Variants in C15orf40 observed in about 807,000 individuals in gnomAD.
The protein encoded by C15orf40 is UPF0235 protein C15orf40.
C15orf40 carries 9 observed loss-of-function variants against 13.9 expected under a neutral mutation model. That is an observed-to-expected ratio of 0.65 (90% confidence interval 0.39 to 1.13). C15orf40 has a LOEUF of 1.13. C15orf40 is among the 50% of genes most tolerant of loss of function. The probability of loss-of-function intolerance (pLI) is 0.01; values close to 1 mark genes in which losing one functional copy is unlikely to be tolerated. For missense variants in C15orf40, 225 were observed against 188.5 expected, an observed-to-expected ratio of 1.19 and a Z score of -1.13; for synonymous variants, 95 against 69.2, an observed-to-expected ratio of 1.37 and a Z score of -1.85.
chr15:82,990,702 T>C (rs1303477432), downstream of C15orf40: 3 of 1,461,812 alleles, frequency 2.1e-6, no homozygotes, highest in East Asian at 4.9e-5. Context: ...CTTGATCTGG[T>C]GGTGGTTGGG....
At chr15:83,011,181 T>G (rs2031987192) in intron 1 of C15orf40, 1 of 291,458 alleles carries the variant, frequency 3.4e-6, no homozygotes, top group Admixed American at 5.2e-5. Context: ...GTCATGCCGC[T>G]GCGGGAACAT....
intron 3 of C15orf40, among the ~76,000 whole-genome samples, chr15:83,006,870 G>A (rs1450601504): frequency 6.6e-6 from 1 of 152,220 alleles, no homozygotes; most frequent in Non-Finnish European, 1.5e-5. Context: ...GCAGAAGAAT[G>A]AGGAACATCT....
At chr15:82,990,723 A>C, downstream of C15orf40, 1 of 1,305,082 alleles carries the variant, frequency 7.7e-7, no homozygotes, top group African/African-American at 1.5e-5. Flanking sequence ...ATAAGGGTAC[A>C]CATCATTTTA....
At chr15:83,010,398 A>G (rs2031932608) in intron 1 of C15orf40, 35 bp from the exon 2 acceptor site, 3 of 1,612,470 alleles carry the variant, frequency 1.9e-6, no homozygotes, top group South Asian at 2.2e-5. Flanking sequence ...ACAGGTTACA[A>G]AATATTTTCC....
rs577646353 is a variant in C15orf40, at chr15:83,001,179, A to G, written c.*4418T>C. 12 of 985,396 alleles carry G rather than the reference A, an allele frequency of 1.2e-5. No individual in the cohort carries two copies. In the South Asian group the frequency reaches 3.8e-4, roughly 31 times the overall value. The allele number at this position is 985,396 out of a possible 1,614,324, so 61.0% of individuals were successfully genotyped here. A position where few individuals can be genotyped will look rare whatever the true frequency, so the allele number is the denominator to read the frequency against. ...TGCTGTCCCTCCCCTAACCGAGAGG[A>G]AAGTGTGGAATGGCTCACAGAAATC... is the stretch of plus-strand genomic sequence containing the variant. On this transcript the variant is annotated 3_prime_UTR_variant, in exon 4 of 4. Coordinates refer to ENST00000304177, the MANE Select transcript of C15orf40 (RefSeq NM_144597.3).
rs922898491 is a variant in C15orf40 at position 82,997,444 on chromosome 15, C to A, written c.*8153G>T. On this transcript the variant is annotated 3_prime_UTR_variant, in exon 4 of 4. Transcript: ENST00000304177. Reference sequence around the variant, plus strand: ...GCCTTCAAGCATCTGTTTAACAAAGCACATCTTGCACCGCCCTTAATCCAT... The same window carrying A: ...GCCTTCAAGCATCTGTTTAACAAAGAACATCTTGCACCGCCCTTAATCCAT... 2 of 140,484 alleles carry A rather than the reference C, an allele frequency of 1.4e-5. No individual in the cohort carries two copies. Among genetic ancestry groups the A allele is most frequent in the South Asian group, 2.3e-4 (1 of 4,430 alleles). The allele number at this position is 140,484 out of a possible 1,614,324, so 8.7% of individuals were successfully genotyped here. A position where few individuals can be genotyped will look rare whatever the true frequency, so the allele number is the denominator to read the frequency against.
At position 83,002,684 on chromosome 15, in the gene C15orf40, A is replaced by C. The variant is rs74974960; in HGVS notation, c.*2913T>G. The C allele has an allele frequency of 0.034, 5,221 of 152,300 alleles. 272 individuals carry two copies. The highest frequency in any genetic ancestry group is 0.12 in the African/African-American group (4,782 of 41,538). The allele number at this position is 152,300 out of a possible 1,614,324, so 9.4% of individuals were successfully genotyped here. A position where few individuals can be genotyped will look rare whatever the true frequency, so the allele number is the denominator to read the frequency against. On this transcript the variant is annotated 3_prime_UTR_variant, in exon 4 of 4. Transcript: ENST00000304177. Reference sequence around the variant, plus strand: ...GCTCCTAGGAGTGGCCTTTTCTCCTACTGCAGGGGTTGATACGTGAATATG... The same window carrying C: ...GCTCCTAGGAGTGGCCTTTTCTCCTCCTGCAGGGGTTGATACGTGAATATG...
At chr15:82,993,593 T>G (rs1465882990), downstream of C15orf40, among the ~76,000 whole-genome samples, 1 of 152,086 alleles carries the variant, frequency 6.6e-6, no homozygotes, top group African/African-American at 2.4e-5. Context: ...AGGTGGACCA[T>G]CTGAGGTCAG....
chr15:82,993,754 G>A (rs1022175148), downstream of C15orf40, among the ~76,000 whole-genome samples: 6 of 152,168 alleles, frequency 3.9e-5, no homozygotes, highest in Non-Finnish European at 7.3e-5. Flanking sequence ...ACAGTGAGCC[G>A]AGATTGTGCC....
intron 3 of C15orf40, among the ~76,000 whole-genome samples, chr15:83,006,168 C>A (rs2031668722): frequency 1.3e-5 from 2 of 150,992 alleles, no homozygotes; most frequent in South Asian, 4.2e-4. Context: ...GAGGCAGAGG[C>A]TGCAGTGAGC....
downstream of C15orf40, chr15:82,990,690 G>A (rs2030818569): frequency 6.7e-7 from 1 of 1,497,580 alleles, no homozygotes; most frequent in Non-Finnish European, 9.1e-7. Context: ...GTCAGTTTGT[G>A]TCTTGATCTG....
chr15:82,990,481 C>T (rs2030807659), downstream of C15orf40: 1 of 587,026 alleles, frequency 1.7e-6, no homozygotes, highest in South Asian at 2.3e-5. Flanking sequence ...CTCATGAATG[C>T]ACAGCTATGC....
Position 83,004,873 on chromosome 15 carries a change from T to C in C15orf40, c.*724A>G. On this transcript the variant is annotated 3_prime_UTR_variant, in exon 4 of 4. Coordinates refer to ENST00000304177, the MANE Select transcript of C15orf40 (RefSeq NM_144597.3). ...AGAACCGTTGTGGAGATATGATTTT[T>C]AATTTACAATCTAGAAAAACTGCAT... The C allele has an allele frequency of 7.7e-7, 1 of 1,303,802 alleles. No homozygotes were observed. 80.8% of individuals were successfully genotyped at this position (1,303,802 alleles called of 1,614,324 possible). A position where few individuals can be genotyped will look rare whatever the true frequency, so the allele number is the denominator to read the frequency against.
rs115664472 is a variant in C15orf40 at position 83,005,119 on chromosome 15, C to T, written c.*478G>A. Reference sequence around the variant, plus strand: ...CTGTTTGGGGTTTGGGATTTTAGAACCTGATGCAATGTATAGCACTTTTTA... The same window carrying T: ...CTGTTTGGGGTTTGGGATTTTAGAATCTGATGCAATGTATAGCACTTTTTA... On this transcript the variant is annotated 3_prime_UTR_variant, in exon 4 of 4. Transcript: ENST00000304177. 4.9e-4 allele frequency: 556 copies of T among 1,128,076 alleles called. 4 individuals are homozygous for T. The African/African-American group carries it at 8.4e-3, about 17-fold the overall frequency. The allele number at this position is 1,128,076 out of a possible 1,614,324, so 69.9% of individuals were successfully genotyped here. A position where few individuals can be genotyped will look rare whatever the true frequency, so the allele number is the denominator to read the frequency against.
chr15:83,005,670 A>T lies in C15orf40; in HGVS notation c.389T>A (p.Val130Glu). 6.2e-7 allele frequency: 1 copy of T among 1,612,268 alleles called. No homozygotes were observed. The highest frequency in any genetic ancestry group is 8.5e-7 in the Non-Finnish European group (1 of 1,179,256). The change falls in exon 4 of 4, where the codon GTG becomes GAG. Residue 130 changes from valine to glutamate, a missense_variant. By Grantham distance (121) the Val-to-Glu change is moderately radical. Coordinates refer to ENST00000304177, the MANE Select transcript of C15orf40 (RefSeq NM_144597.3). ...AGTTGTAGAAGCCAAAAGCTTCACCACCTTTTCACGAGATTTACCACCCTG... is the reference window on the plus strand; with the variant it reads ...AGTTGTAGAAGCCAAAAGCTTCACCTCCTTTTCACGAGATTTACCACCCTG... ...LDKGGKSREK[V>E]VKLLASTTPE...
chr15:82,992,515 A>C (rs967433853), downstream of C15orf40, among the ~76,000 whole-genome samples: 3 of 149,638 alleles, frequency 2.0e-5, no homozygotes, highest in African/African-American at 7.6e-5. Flanking sequence ...AAACTCTCTC[A>C]AAGAAAAAAA....
Position 82,996,199 on chromosome 15 carries a change from T to C in C15orf40, c.*9398A>G, listed in dbSNP as rs2031064049. 1.3e-5 allele frequency: 2 copies of C among 152,228 alleles called. No individual in the cohort carries two copies. The highest frequency in any genetic ancestry group is 2.9e-5 in the Non-Finnish European group (2 of 68,042). 9.4% of individuals were successfully genotyped at this position (152,228 alleles called of 1,614,324 possible). ...TGTGATGATGATCTCATGGTTTTTTTCCACTGCTCGTGCCTTTAACTCCCT... is the reference window on the plus strand; with the variant it reads ...TGTGATGATGATCTCATGGTTTTTTCCCACTGCTCGTGCCTTTAACTCCCT... On this transcript the variant is annotated 3_prime_UTR_variant, in exon 4 of 4. Transcript: ENST00000304177.
downstream of C15orf40, chr15:82,989,930 C>T (rs368003453): frequency 4.3e-6 from 7 of 1,611,924 alleles, no homozygotes; most frequent in African/African-American, 9.4e-5. Flanking sequence ...ATGGGGGTGG[C>T]CAAGTGACAA....
rs2031434950 is a variant in C15orf40 at position 83,001,896 on chromosome 15, G to C, written c.*3701C>G. The C allele has an allele frequency of 6.6e-6, 1 of 152,252 alleles. No homozygotes were observed. Among genetic ancestry groups the C allele is most frequent in the South Asian group, 2.1e-4 (1 of 4,828 alleles). 9.4% of individuals were successfully genotyped at this position (152,252 alleles called of 1,614,324 possible). Reference sequence around the variant, plus strand: ...CTCCAACAGTAGTTTGTTTTGTTTTGTTTGTTTCTGTTTTTTTGTTGTTGT... The same window carrying C: ...CTCCAACAGTAGTTTGTTTTGTTTTCTTTGTTTCTGTTTTTTTGTTGTTGT... On this transcript the variant is annotated 3_prime_UTR_variant, in exon 4 of 4. Coordinates refer to ENST00000304177, the MANE Select transcript of C15orf40 (RefSeq NM_144597.3).
Sources: gnomAD v4.1 joint callset for allele counts (sites outside exome capture counted in the v4.1 genomes callset) on GRCh38, gnomAD v4.1.1 for gene constraint, MANE v1.5 for transcripts, NCBI Gene and HGNC (gene_info 2026-07-23, HGNC 2026-07-21) for gene names.